Variants in CXADR observed in about 807,000 individuals in gnomAD.
The protein encoded by CXADR is coxsackievirus and adenovirus receptor.
Under a neutral mutation model 40.3 loss-of-function variants are expected in CXADR, and 20 were observed. The ratio of observed to expected loss-of-function variants is 0.50; its 90% CI spans 0.35 to 0.72. The LOEUF (loss-of-function observed/expected upper bound fraction) is 0.72. Ranked by LOEUF, CXADR falls within the 30% of genes least tolerant of loss-of-function variation. The probability of loss-of-function intolerance (pLI) is 0.01; values close to 1 mark genes in which losing one functional copy is unlikely to be tolerated. For synonymous variants in CXADR, 150 were observed against 161.3 expected, an observed-to-expected ratio of 0.93 and a Z score of 0.53; for missense variants, 332 against 449.1, an observed-to-expected ratio of 0.74 and a Z score of 2.36.
intron 7 of CXADR, among the ~76,000 whole-genome samples, chr21:17,579,309 G>C (rs1340793214): frequency 6.7e-6 from 1 of 149,922 alleles, no homozygotes; most frequent in African/African-American, 2.5e-5. Flanking sequence ...TTTTGAGATG[G>C]AGTCTCACCC....
Position 17,576,087 on chromosome 21 carries a change from C to CAAA in CXADR, c.1017+10491_1017+10493dup, listed in dbSNP as rs35462120. Reference sequence around the variant, plus strand: ...TGGGTGACAGAGCGAGACTCCATCTCAAAAAAAAAAAAAAAAAGTTTTTAA... The same window carrying CAAA: ...TGGGTGACAGAGCGAGACTCCATCTCAAAAAAAAAAAAAAAAAAAAGTTTTTAA... On this transcript the variant is annotated intron_variant, in intron 7 of 7. Coordinates refer to the CXADR transcript ENST00000400169. Among the ~76,000 whole-genome samples, 153 of 121,472 alleles carry CAAA rather than the reference C, an allele frequency of 1.3e-3. 2 individuals are homozygous for CAAA. The highest frequency in any genetic ancestry group is 2.1e-3 in the Non-Finnish European group (128 of 59,848). 79.7% of individuals were successfully genotyped at this position (121,472 alleles called of 152,430 possible).
At chr21:17,587,263 A>C (rs2061404141) in intron 7 of CXADR, among the ~76,000 whole-genome samples, 1 of 152,130 alleles carries the variant, frequency 6.6e-6, no homozygotes, top group African/African-American at 2.4e-5. Flanking sequence ...CAGTAATGGG[A>C]TGGCTGGGTC....
At chr21:17,542,608 G>C (rs2123226016) in intron 1 of CXADR, among the ~76,000 whole-genome samples, 1 of 152,278 alleles carries the variant, frequency 6.6e-6, no homozygotes, top group Non-Finnish European at 1.5e-5. Context: ...TATGGGATGT[G>C]GTTCCGTCTG....
At position 17,590,856 on chromosome 21, in the gene CXADR, C is replaced by G. The variant is rs2824382; in HGVS notation, c.1018-2296C>G. Among the ~76,000 whole-genome samples the G allele has an allele frequency of 6.3e-3, 965 of 152,138 alleles. 58 individuals are homozygous for G. In the East Asian group the frequency reaches 0.13, roughly 21 times the overall value. On this transcript the variant is annotated intron_variant, in intron 7 of 7. Transcript: ENST00000400169. ...GTTTGCTTTGTCATCTCAGTCTTCA[C>G]TCTACTGGGTTGTACTGTTTATTGC...
chr21:17,583,880 A>G (rs2061376947), intron 7 of CXADR, among the ~76,000 whole-genome samples: 1 of 152,208 alleles, frequency 6.6e-6, no homozygotes, highest in South Asian at 2.1e-4. Context: ...TTAGCTTGTA[A>G]TGGATCTACA....
At chr21:17,552,463 C>T (rs977156894) in intron 3 of CXADR, among the ~76,000 whole-genome samples, 26 of 152,140 alleles carry the variant, frequency 1.7e-4, no homozygotes, top group Non-Finnish European at 3.4e-4. Context: ...ATCTTATAGC[C>T]CTCTCTGTAA....
Position 17,569,342 on chromosome 21 carries a change from C to T in CXADR, c.*3650C>T, listed in dbSNP as rs1330849966. 1.0e-6 allele frequency: 1 copy of T among 984,048 alleles called. No individual in the cohort carries two copies. The highest frequency in any genetic ancestry group is 1.2e-6 in the Non-Finnish European group (1 of 829,684). The allele number at this position is 984,048 out of a possible 1,614,324, so 61.0% of individuals were successfully genotyped here. A position where few individuals can be genotyped will look rare whatever the true frequency, so the allele number is the denominator to read the frequency against. On this transcript the variant is annotated 3_prime_UTR_variant, in exon 7 of 7. Transcript: ENST00000284878. ...GAAAATGTTGGCACAATTTTAACTT[C>T]TTAGTGGCTTGTGACATTATATATT...
Position 17,567,128 on chromosome 21 carries a change from C to T in CXADR, c.*1436C>T, listed in dbSNP as rs62239918. ...GCCAACAGTTTCTTTATAATAAATA[C>T]GGTCTGCAATAAATTATTTCACTAG... is the stretch of plus-strand genomic sequence containing the variant. On this transcript the variant is annotated 3_prime_UTR_variant, in exon 7 of 7. Transcript: ENST00000284878. The T allele has an allele frequency of 0.2, 195,203 of 980,676 alleles. 19,670 individuals are homozygous for T. Among genetic ancestry groups the T allele is most frequent in the East Asian group, 0.24 (2,084 of 8,746 alleles). The allele number at this position is 980,676 out of a possible 1,614,324, so 60.7% of individuals were successfully genotyped here. A position where few individuals can be genotyped will look rare whatever the true frequency, so the allele number is the denominator to read the frequency against.
At chr21:17,524,988 G>A (rs1414216458) in intron 1 of CXADR, among the ~76,000 whole-genome samples, 1 of 152,112 alleles carries the variant, frequency 6.6e-6, no homozygotes, top group Non-Finnish European at 1.5e-5. Flanking sequence ...ATTTCAGTTG[G>A]TGGGGTGTTT....
chr21:17,566,527 T>C lies in CXADR; in HGVS notation c.*835T>C, dbSNP rs1413784935. 2 of 985,246 alleles carry C rather than the reference T, an allele frequency of 2.0e-6. No homozygotes were observed. Among genetic ancestry groups the C allele is most frequent in the South Asian group, 9.4e-5 (2 of 21,290 alleles). 61.0% of individuals were successfully genotyped at this position (985,246 alleles called of 1,614,324 possible). A position where few individuals can be genotyped will look rare whatever the true frequency, so the allele number is the denominator to read the frequency against. On this transcript the variant is annotated 3_prime_UTR_variant, in exon 7 of 7. Coordinates refer to ENST00000284878, the MANE Select transcript of CXADR (RefSeq NM_001338.5). ...AAATGGTGGCCAGCCAGATCAAGGATGTAGTATCTCATAGTTCCCAGGTGA... is the reference window on the plus strand; with the variant it reads ...AAATGGTGGCCAGCCAGATCAAGGACGTAGTATCTCATAGTTCCCAGGTGA...
chr21:17,559,799 C>T (rs1321679125), intron 4 of CXADR, among the ~76,000 whole-genome samples: 1 of 151,074 alleles, frequency 6.6e-6, no homozygotes, highest in Non-Finnish European at 1.5e-5. Context: ...CCACTTCAGC[C>T]TCCCGAGTAG....
chr21:17,547,177 A>C lies in CXADR; in HGVS notation c.194A>C (p.Gln65Pro), dbSNP rs1174346898. 1.2e-6 allele frequency: 2 copies of C among 1,614,082 alleles called. No individual in the cohort carries two copies. Among genetic ancestry groups the C allele is most frequent in the African/African-American group, 2.7e-5 (2 of 74,940 alleles). Residue 65 changes from glutamine (Q) to proline (P), a missense_variant, in exon 2 of 7, where the codon CAG (glutamine) becomes CCG (proline). This residue lies in a region of CXADR where 162 missense variants were observed against 198.5 expected (regional missense o/e 0.82). Coordinates refer to ENST00000284878, the MANE Select transcript of CXADR (RefSeq NM_001338.5). ...TGGCTGATATCACCAGCTGATAATC[A>C]GAAGGTGGATCAAGTGGTAAGTTTG... ...IEWLISPADNQKVDQVIILYS... is the reference protein window; with the variant it reads ...IEWLISPADNPKVDQVIILYS...
chr21:17,547,244 G>A, intron 2 of CXADR, 51 bp downstream of exon 2: 2 of 1,608,990 alleles, frequency 1.2e-6, no homozygotes, highest in Non-Finnish European at 1.7e-6. Context: ...GCAACTATCT[G>A]ATGTGTCCAT....
At chr21:17,615,132 A>G in the CXADR span, among the ~76,000 whole-genome samples, 2 of 152,160 alleles carry the variant, frequency 1.3e-5, no homozygotes, top group African/African-American at 2.4e-5. Flanking sequence ...ACCTTCATGA[A>G]TGGAATTAGT....
At chr21:17,552,769 A>G (rs538905665) in intron 3 of CXADR, among the ~76,000 whole-genome samples, 1 of 152,318 alleles carries the variant, frequency 6.6e-6, no homozygotes, top group South Asian at 2.1e-4. Context: ...TTTCATAGGA[A>G]AAGCTGATGC....
chr21:17,564,608 T>C (rs972302719), intron 6 of CXADR, among the ~76,000 whole-genome samples: 1 of 152,144 alleles, frequency 6.6e-6, no homozygotes, highest in Non-Finnish European at 1.5e-5. Flanking sequence ...CAGTGTTTGG[T>C]ATGAAAATTC....
chr21:17,543,085 CAA>C, intron 1 of CXADR: 4 of 338,476 alleles, frequency 1.2e-5, no homozygotes, highest in South Asian at 2.3e-5. Context: ...AAACAAAAAA[CAA>C]AAAAATCTAA....
Position 17,566,637 on chromosome 21 carries a change from A to C in CXADR, c.*945A>C. ...ATTTCCTAATTTATTCTAAATTTTAAGTGGTTCTTTGGTTCCAGTGCTTTA... is the reference window on the plus strand; with the variant it reads ...ATTTCCTAATTTATTCTAAATTTTACGTGGTTCTTTGGTTCCAGTGCTTTA... On this transcript the variant is annotated 3_prime_UTR_variant, in exon 7 of 7. Transcript: ENST00000284878. The C allele has an allele frequency of 2.0e-5, 20 of 984,698 alleles. No individual in the cohort carries two copies. The highest frequency in any genetic ancestry group is 2.3e-5 in the Non-Finnish European group (19 of 829,328). The allele number at this position is 984,698 out of a possible 1,614,324, so 61.0% of individuals were successfully genotyped here. A position where few individuals can be genotyped will look rare whatever the true frequency, so the allele number is the denominator to read the frequency against.
the CXADR span, among the ~76,000 whole-genome samples, chr21:17,626,159 A>G: frequency 1.7e-3 from 260 of 152,100 alleles, 1 homozygote; most frequent in African/African-American, 5.7e-3. Context: ...ATTATTTTTC[A>G]TATACGGACA....
Sources: allele counts gnomAD v4.1 joint callset (sites outside exome capture counted in the v4.1 genomes callset), GRCh38; gene constraint gnomAD v4.1.1; regional missense constraint gnomAD v4.1.1; transcripts MANE v1.5; gene names NCBI Gene and HGNC (gene_info 2026-07-23, HGNC 2026-07-21).